Variants in MLLT3 observed in about 807,000 individuals in gnomAD.
MLLT3 encodes protein AF-9.
In MLLT3, 4 loss-of-function variants were observed where a neutral mutation model predicts 53.2. That is an observed-to-expected ratio of 0.08 (90% CI 0.04 to 0.17). The LOEUF is 0.17. Among genes scored for constraint, MLLT3 ranks in the 10% least tolerant of loss-of-function variants. MLLT3 has a pLI of 1.00. For synonymous variants in MLLT3, 283 were observed against 230.6 expected (o/e 1.23, Z -2.06); for missense variants, 569 against 684.0 (o/e 0.83, Z 1.87).
chr9:20,620,122 C>T lies in MLLT3; in HGVS notation c.193+532G>A, dbSNP rs776753492. Among the ~76,000 whole-genome samples the T allele has an allele frequency of 1.1e-4, 16 of 152,028 alleles. No individual in the cohort carries two copies. Among genetic ancestry groups the T allele is most frequent in the Non-Finnish European group, 1.9e-4 (13 of 68,006 alleles). On this transcript the variant is annotated intron_variant, in intron 2 of 10. Transcript: ENST00000380338. The surrounding 1 kb of genome is among the most constrained non-coding windows in gnomAD (Gnocchi z 6.1). ...AAAGAAAAGTCTATGGCAACTGGCACCTGGTGCCTCATACACAGACAGGAA... is the reference window on the plus strand; with the variant it reads ...AAAGAAAAGTCTATGGCAACTGGCATCTGGTGCCTCATACACAGACAGGAA...
chr9:20,431,709 C>A (rs927541676), intron 4 of MLLT3, among the ~76,000 whole-genome samples: 25 of 151,830 alleles, frequency 1.6e-4, no homozygotes, highest in African/African-American at 5.3e-4. Context: ...TTCATAATTG[C>A]AAAACCAAAT....
chr9:20,404,745 ATCC>A (rs1007564431), intron 5 of MLLT3, among the ~76,000 whole-genome samples: 5 of 152,236 alleles, frequency 3.3e-5, no homozygotes, highest in Admixed American at 6.5e-5. Context: ...GCTTCAAGCA[ATCC>A]TCCTACCTTG....
intron 2 of MLLT3, among the ~76,000 whole-genome samples, chr9:20,537,284 T>C (rs1563806856): frequency 6.6e-6 from 1 of 152,246 alleles, no homozygotes; most frequent in Non-Finnish European, 1.5e-5. Flanking sequence ...ATGTATTCCA[T>C]ATAAGTGAAA....
chr9:20,467,894 C>T (rs985296271), intron 2 of MLLT3, among the ~76,000 whole-genome samples: 6 of 152,300 alleles, frequency 3.9e-5, no homozygotes, highest in African/African-American at 1.4e-4. Flanking sequence ...GTTTTCCTCA[C>T]TTAAATCAAG....
At chr9:20,499,995 C>A (rs1825178388) in intron 2 of MLLT3, among the ~76,000 whole-genome samples, 1 of 152,178 alleles carries the variant, frequency 6.6e-6, no homozygotes, top group African/African-American at 2.4e-5. Context: ...TCCTTCAATA[C>A]CACCTAACAG....
At chr9:20,543,398 A>G (rs921345569) in intron 2 of MLLT3, among the ~76,000 whole-genome samples, 2 of 152,224 alleles carry the variant, frequency 1.3e-5, no homozygotes, top group Admixed American at 1.3e-4. Context: ...CAAGTCTTAC[A>G]TGGGTATGGC....
At chr9:20,526,592 T>G (rs1196595124) in intron 2 of MLLT3, among the ~76,000 whole-genome samples, 1 of 152,306 alleles carries the variant, frequency 6.6e-6, no homozygotes, top group African/African-American at 2.4e-5. Flanking sequence ...CTACAATGAT[T>G]GACAGTTTTA....
intron 2 of MLLT3, among the ~76,000 whole-genome samples, chr9:20,582,387 T>C (rs760189059): frequency 2.0e-5 from 3 of 152,214 alleles, no homozygotes; most frequent in Non-Finnish European, 4.4e-5. Context: ...GTTCTACCTA[T>C]TCGTCCCTTC....
At chr9:20,604,979 T>C (rs1262042140) in intron 2 of MLLT3, among the ~76,000 whole-genome samples, 1 of 152,134 alleles carries the variant, frequency 6.6e-6, no homozygotes, top group Non-Finnish European at 1.5e-5. Context: ...TGGCTATCAC[T>C]TCTTTAAACT....
At chr9:20,387,142 A>G (rs1306924043) in intron 5 of MLLT3, among the ~76,000 whole-genome samples, 1 of 152,232 alleles carries the variant, frequency 6.6e-6, no homozygotes, top group Admixed American at 6.5e-5. Flanking sequence ...TAAATGTTTT[A>G]GCCTTCACAG....
intron 10 of MLLT3, among the ~76,000 whole-genome samples, chr9:20,347,151 G>T (rs568989398): frequency 6.6e-6 from 1 of 151,810 alleles, no homozygotes; most frequent in Non-Finnish European, 1.5e-5. Context: ...GTGACCAGAG[G>T]GGGCTCAAGG....
At chr9:20,408,959 G>A (rs1822656219) in intron 5 of MLLT3, among the ~76,000 whole-genome samples, 1 of 151,974 alleles carries the variant, frequency 6.6e-6, no homozygotes. Context: ...ATCCACCCTT[G>A]GGAAAAATGC....
intron 2 of MLLT3, among the ~76,000 whole-genome samples, chr9:20,606,541 T>C (rs186084080): frequency 2.0e-5 from 3 of 152,152 alleles, no homozygotes; most frequent in Non-Finnish European, 1.5e-5. Context: ...AAGCTGCTTG[T>C]GCTCTGTTAT....
intron 2 of MLLT3, among the ~76,000 whole-genome samples, chr9:20,527,559 C>A (rs1818234999): frequency 6.6e-6 from 1 of 152,180 alleles, no homozygotes; most frequent in Admixed American, 6.5e-5. Flanking sequence ...GTGGAATTAG[C>A]CTAAGCACTG....
At chr9:20,356,147 A>G (rs887976661) in intron 8 of MLLT3, among the ~76,000 whole-genome samples, 2 of 152,224 alleles carry the variant, frequency 1.3e-5, no homozygotes, top group Admixed American at 6.5e-5. Context: ...ATCCTGGAAA[A>G]GACCGAATAC....
rs908033931 is a variant in MLLT3 at position 20,380,847 on chromosome 9, C to A, written c.1126-15103G>T. 9.2e-5 allele frequency among the ~76,000 whole-genome samples: 14 copies of A among 151,920 alleles called. 1 individual carries two copies. The highest frequency in any genetic ancestry group is 3.1e-4 in the African/African-American group (13 of 41,414). On this transcript the variant is annotated intron_variant, in intron 5 of 10. Coordinates refer to ENST00000380338, the MANE Select transcript of MLLT3 (RefSeq NM_004529.4). ...CTGGAAACTTGAAAGTCAAATTAGA[C>A]TGGAAAGTGCTGTTTTCTTATAAAC...
chr9:20,502,919 G>A (rs986812151), intron 2 of MLLT3, among the ~76,000 whole-genome samples: 1 of 152,130 alleles, frequency 6.6e-6, no homozygotes, highest in African/African-American at 2.4e-5. Context: ...TGAGCTATCT[G>A]AAAGATAAAT....
chr9:20,399,794 G>A (rs1400061695), intron 5 of MLLT3, among the ~76,000 whole-genome samples: 1 of 152,088 alleles, frequency 6.6e-6, no homozygotes, highest in East Asian at 1.9e-4. Flanking sequence ...GAAACTGTTC[G>A]AGGCTGCTAG....
In MLLT3 at chr9:20,621,626, A is replaced by G; in HGVS notation, c.12+619T>C. 1.3e-6 allele frequency: 1 copy of G among 760,898 alleles called. No individual in the cohort carries two copies. The highest frequency in any genetic ancestry group is 3.9e-5 in the Admixed American group (1 of 25,868). 47.1% of individuals were successfully genotyped at this position (760,898 alleles called of 1,614,324 possible). A position where few individuals can be genotyped will look rare whatever the true frequency, so the allele number is the denominator to read the frequency against. ...CTCCCACCTCCCCCCAAAAAATGAA[A>G]TTCAGAAAGGCAGGGCGGCGGGCGG... On this transcript the variant is annotated intron_variant, in intron 1 of 10. Coordinates refer to ENST00000380338, the MANE Select transcript of MLLT3 (RefSeq NM_004529.4). This position sits in a 1 kb window ranked among gnomAD's most constrained non-coding sequence, Gnocchi z 7.0.
Sources: gnomAD v4.1 joint callset for allele counts (sites outside exome capture counted in the v4.1 genomes callset) on GRCh38, gnomAD v4.1.1 for gene constraint, Gnocchi (gnomAD v3.1) non-coding constraint, MANE v1.5 for transcripts, NCBI Gene and HGNC (gene_info 2026-07-23, HGNC 2026-07-21) for gene names.